Variants in XKR6 observed in about 807,000 individuals in gnomAD.
XKR6 encodes the protein XK-related protein 6.
XKR6 carries 22 observed loss-of-function variants against 56.7 expected under a neutral mutation model. That is an observed-to-expected ratio of 0.39 (90% CI 0.28 to 0.55). XKR6 has a LOEUF of 0.55. Ranked by LOEUF, XKR6 falls within the 20% of genes least tolerant of loss-of-function variation. The probability of loss-of-function intolerance (pLI) is 0.66; values close to 1 mark genes in which losing one functional copy is unlikely to be tolerated. For missense variants in XKR6, 852 were observed against 889.0 expected (o/e 0.96, Z 0.53); for synonymous variants, 524 against 387.8 (o/e 1.35, Z -4.13).
chr8:11,197,782 A>C (rs983831816), intron 1 of XKR6, among the ~76,000 whole-genome samples: 2 of 152,248 alleles, frequency 1.3e-5, no homozygotes, highest in African/African-American at 4.8e-5. Context: ...AAAGACGTCA[A>C]GTATTTGCCA....
intron 1 of XKR6, among the ~76,000 whole-genome samples, chr8:11,173,350 A>AATATAT (rs58235734): frequency 7.0e-6 from 1 of 142,850 alleles, no homozygotes; most frequent in Non-Finnish European, 1.5e-5. Context: ...CCTTAAAAAA[A>AATATAT]ATATATATAT....
chr8:11,186,293 G>A (rs1380294947), intron 1 of XKR6, among the ~76,000 whole-genome samples: 1 of 152,114 alleles, frequency 6.6e-6, no homozygotes, highest in Non-Finnish European at 1.5e-5. Context: ...TGAAGGTGTT[G>A]CCCAGCCACC....
At chr8:11,109,077 G>C (rs1177894609) in intron 1 of XKR6, 1 of 152,228 alleles carries the variant, frequency 6.6e-6, no homozygotes, top group Non-Finnish European at 1.5e-5. Flanking sequence ...GAAGTGCAGT[G>C]ACCAAGAAGG....
chr8:10,922,301 G>C (rs1800745704), intron 2 of XKR6, among the ~76,000 whole-genome samples: 1 of 152,238 alleles, frequency 6.6e-6, no homozygotes, highest in Non-Finnish European at 1.5e-5. Context: ...CAGCAAATCT[G>C]CCCATGAGAG....
At chr8:10,920,516 C>G (rs539926181) in intron 2 of XKR6, among the ~76,000 whole-genome samples, 87 of 152,254 alleles carry the variant, frequency 5.7e-4, no homozygotes, top group Non-Finnish European at 1.1e-3. Flanking sequence ...TGGGAGAGGC[C>G]ATGCCACCAA....
intron 2 of XKR6, among the ~76,000 whole-genome samples, chr8:10,924,016 G>A (rs1057232807): frequency 6.6e-6 from 1 of 152,146 alleles, no homozygotes; most frequent in East Asian, 1.9e-4. Context: ...GCATCTCCCT[G>A]CAACTTCTAC....
At chr8:11,189,434 G>A (rs975809581) in intron 1 of XKR6, among the ~76,000 whole-genome samples, 3 of 152,094 alleles carry the variant, frequency 2.0e-5, no homozygotes, top group Admixed American at 6.6e-5. Context: ...ATAATATATG[G>A]CAACAGCAAC....
chr8:10,959,517 C>T lies in XKR6; in HGVS notation c.765-34687G>A, dbSNP rs1801999343. On this transcript the variant is annotated intron_variant, in intron 1 of 2. Transcript: ENST00000416569. ...CAGTGGATTTGGTTCCTGGTGAGGG[C>T]TCTCTTCCTACTTGCAGACAGCCAC... Among the ~76,000 whole-genome samples the T allele has an allele frequency of 3.9e-5, 6 of 152,168 alleles. No homozygotes were observed. The South Asian group carries it at 1.2e-3, about 32-fold the overall frequency.
intron 1 of XKR6, among the ~76,000 whole-genome samples, chr8:11,192,269 C>A (rs1585039987): frequency 6.6e-6 from 1 of 152,038 alleles, no homozygotes; most frequent in Non-Finnish European, 1.5e-5. Flanking sequence ...AGCGATTCTG[C>A]TGCCTCAGCC....
intron 1 of XKR6, among the ~76,000 whole-genome samples, chr8:11,173,384 C>T (rs1244130297): frequency 6.7e-6 from 1 of 148,814 alleles, no homozygotes; most frequent in Admixed American, 6.7e-5. Flanking sequence ...CACACACACA[C>T]ACAAATATAT....
At chr8:10,918,017 C>T (rs1800608115) in intron 2 of XKR6, among the ~76,000 whole-genome samples, 1 of 152,142 alleles carries the variant, frequency 6.6e-6, no homozygotes, top group Non-Finnish European at 1.5e-5. Context: ...GTTTTGGGGC[C>T]AAAATGATAA....
At chr8:11,196,757 T>C (rs878859179) in intron 1 of XKR6, among the ~76,000 whole-genome samples, 1 of 152,268 alleles carries the variant, frequency 6.6e-6, no homozygotes. Flanking sequence ...GGGAGTCTTC[T>C]TCAGCAGGTC....
chr8:11,146,475 A>T (rs1238203202), intron 1 of XKR6, among the ~76,000 whole-genome samples: 1 of 152,214 alleles, frequency 6.6e-6, no homozygotes, highest in Admixed American at 6.5e-5. Flanking sequence ...AAAGATTTTT[A>T]AAAATTAGAT....
At position 10,906,217 on chromosome 8, in the gene XKR6, A is replaced by G. The variant is rs181691735; in HGVS notation, c.962-7301T>C. Among the ~76,000 whole-genome samples, 28 of 152,358 alleles carry G rather than the reference A, an allele frequency of 1.8e-4. No homozygotes were observed. In the East Asian group the frequency reaches 4.2e-3, roughly 23 times the overall value. On this transcript the variant is annotated intron_variant, in intron 2 of 2. Coordinates refer to ENST00000416569, the MANE Select transcript of XKR6 (RefSeq NM_173683.4). Reference sequence around the variant, plus strand: ...ATGGTGGGAGTATTTACACCACAGCAATTGGCAAATGGTACAAACCAGAGC... The same window carrying G: ...ATGGTGGGAGTATTTACACCACAGCGATTGGCAAATGGTACAAACCAGAGC...
intron 1 of XKR6, among the ~76,000 whole-genome samples, chr8:11,163,478 GTCTT>G (rs1485796166): frequency 6.6e-6 from 1 of 152,182 alleles, no homozygotes; most frequent in Non-Finnish European, 1.5e-5. Context: ...CATACACCAT[GTCTT>G]TCTTTCGTCA....
intron 1 of XKR6, among the ~76,000 whole-genome samples, chr8:11,144,679 G>C (rs2116949104): frequency 6.6e-6 from 1 of 152,250 alleles, no homozygotes; most frequent in East Asian, 1.9e-4. Flanking sequence ...AGTATAGGGT[G>C]AGGGCAAAGT....
chr8:11,137,241 C>T (rs1209948457), intron 1 of XKR6: 4 of 241,286 alleles, frequency 1.7e-5, no homozygotes, highest in Admixed American at 5.3e-5. Context: ...GTGAGGAAAG[C>T]GGGAGACAGG....
At chr8:11,126,563 A>T (rs1471174331) in intron 1 of XKR6, among the ~76,000 whole-genome samples, 1 of 152,136 alleles carries the variant, frequency 6.6e-6, no homozygotes, top group Non-Finnish European at 1.5e-5. Context: ...CAGCTTTGCA[A>T]CGCAGGGCCA....
chr8:11,014,549 C>T (rs1163418500), intron 1 of XKR6, among the ~76,000 whole-genome samples: 2 of 152,132 alleles, frequency 1.3e-5, no homozygotes, highest in Non-Finnish European at 2.9e-5. Context: ...CAGGCAGGTT[C>T]CCCCAACAGC....
Sources: gnomAD v4.1 joint callset for allele counts (sites outside exome capture counted in the v4.1 genomes callset) on GRCh38, gnomAD v4.1.1 for gene constraint, MANE v1.5 for transcripts, NCBI Gene and HGNC (gene_info 2026-07-23, HGNC 2026-07-21) for gene names.